Variants in SCN1A observed in about 807,000 individuals in gnomAD.
The protein encoded by SCN1A is sodium voltage-gated channel alpha subunit 1.
A neutral mutation model predicts 193.7 loss-of-function variants in SCN1A; 13 were observed. The ratio of observed to expected loss-of-function variants is 0.07; its 90% CI spans 0.04 to 0.11. The LOEUF is 0.11. Ranked by LOEUF, SCN1A falls within the 10% of genes least tolerant of loss-of-function variation. The pLI is 1.00. For synonymous variants in SCN1A, 781 were observed against 843.6 expected (o/e 0.93, Z 1.29); for missense variants, 1,432 against 2,451.1 (o/e 0.58, Z 8.78).
chr2:166,015,980 T>A (rs1239612622), intron 19 of SCN1A: 2 of 451,242 alleles, frequency 4.4e-6, no homozygotes, highest in South Asian at 4.3e-5. Flanking sequence ...ATCAGCCACA[T>A]GTACTGAGCA....
At chr2:166,126,025 C>T (rs1691211781) in intron 2 of SCN1A, among the ~76,000 whole-genome samples, 1 of 152,182 alleles carries the variant, frequency 6.6e-6, no homozygotes, top group Admixed American at 6.5e-5. Context: ...GGAGGAAAAA[C>T]AGCCACACAA....
chr2:166,007,270 C>T (rs1459362407), intron 23 of SCN1A: 1 of 151,034 alleles, frequency 6.6e-6, no homozygotes, highest in Non-Finnish European at 1.5e-5. Flanking sequence ...CGCTCCACCC[C>T]ATCCAAGTTG....
At chr2:166,050,637 A>ATATATATATATATATATATATATG (rs1553548987) in intron 9 of SCN1A, among the ~76,000 whole-genome samples, 23 of 77,156 alleles carry the variant, frequency 3.0e-4, no homozygotes, top group African/African-American at 1.3e-3. Flanking sequence ...ATATATATAT[A>ATATATATATATATATATATATATG]TGTGTGTATA....
At chr2:166,067,275 A>G (rs1180218750) in intron 4 of SCN1A, among the ~76,000 whole-genome samples, 1 of 152,104 alleles carries the variant, frequency 6.6e-6, no homozygotes. Flanking sequence ...CAAGATGGTG[A>G]TGTTGATAAA....
intron 18 of SCN1A, among the ~76,000 whole-genome samples, chr2:166,036,903 A>G (rs1696458205): frequency 6.6e-6 from 1 of 152,214 alleles, no homozygotes; most frequent in South Asian, 2.1e-4. Flanking sequence ...AATGCATTCT[A>G]TAATTTTTCA....
At position 166,037,801 on chromosome 2, in the gene SCN1A, A is replaced by G. The variant is rs1389457388; in HGVS notation, c.2921T>C (p.Met974Thr). The G allele has an allele frequency of 1.9e-6, 3 of 1,614,194 alleles. No homozygotes were observed. Among genetic ancestry groups the G allele is most frequent in the South Asian group, 2.2e-5 (2 of 91,082 alleles). The change falls in exon 18 of 29, where the codon ATG (methionine) becomes ACG (threonine). Residue 974 changes from methionine to threonine, a missense_variant. Physicochemically the swap from Met to Thr is moderately conservative, Grantham distance 81. Around this residue, in one of 18 missense-constraint regions of SCN1A, gnomAD observed 93 missense variants for 260.4 expected, o/e 0.36. Coordinates refer to ENST00000674923, the MANE Select transcript of SCN1A (RefSeq NM_001165963.4). ...CACTAGGTTTCCAATCACCATGACC[A>G]TCATGAAGACAGTAAGGCACATGGC... Reference protein sequence around the residue: ...GQAMCLTVFMMVMVIGNLVVL... With the variant: ...GQAMCLTVFMTVMVIGNLVVL...
chr2:165,991,032 C>G lies in SCN1A; in HGVS notation c.*213G>C, dbSNP rs1473142639. 1 of 556,232 alleles carries G rather than the reference C, an allele frequency of 1.8e-6. No homozygotes were observed. Among genetic ancestry groups the G allele is most frequent in the Admixed American group, 3.3e-5 (1 of 30,310 alleles). The allele number at this position is 556,232 out of a possible 1,614,324, so 34.5% of individuals were successfully genotyped here. ...CAGCAGTGTCAGCTGGTAGTGAGAA[C>G]AGTAACCTCCTGTCAAGGTCATCTC... On this transcript the variant is annotated 3_prime_UTR_variant, in exon 29 of 29. Transcript: ENST00000674923.
At chr2:166,109,448 A>C (rs1475513923) in intron 2 of SCN1A, 3 of 152,330 alleles carry the variant, frequency 2.0e-5, no homozygotes, top group Non-Finnish European at 4.4e-5. Context: ...GTATATACAT[A>C]CATACCTTGA....
intron 19 of SCN1A, among the ~76,000 whole-genome samples, chr2:166,019,746 G>T (rs530207672): frequency 1.3e-5 from 2 of 152,212 alleles, no homozygotes; most frequent in South Asian, 4.1e-4. Flanking sequence ...CTTAGTGTAT[G>T]TATGGTGAAT....
intron 2 of SCN1A, among the ~76,000 whole-genome samples, chr2:166,107,242 T>A (rs1355930476): frequency 1.3e-5 from 2 of 152,200 alleles, no homozygotes; most frequent in East Asian, 3.9e-4. Context: ...GACTGACTTC[T>A]ACCTCCCAGT....
In SCN1A at chr2:166,069,921, T is replaced by C. The variant is rs77973682; in HGVS notation, c.264+3437A>G. On this transcript the variant is annotated intron_variant, in intron 4 of 28. Coordinates refer to ENST00000674923, the MANE Select transcript of SCN1A (RefSeq NM_001165963.4). ...GACCATTTAGCTGTGTCAAGAGTAC[T>C]GTGTATGTGTACCGCATTGTTTTAA... 7.4e-3 allele frequency among the ~76,000 whole-genome samples: 1,133 copies of C among 152,324 alleles called. 20 individuals are homozygous for C. Among genetic ancestry groups the C allele is most frequent in the African/African-American group, 0.026 (1,087 of 41,576 alleles).
At position 166,026,962 on chromosome 2, in the gene SCN1A, A is replaced by C. The variant is rs996499773; in HGVS notation, c.3429+9086T>G. Reference sequence around the variant, plus strand: ...CCTCCCGGAATATTTCTTAAAATCTATTTTAATGTTTATTAAACCATGAAT... The same window carrying C: ...CCTCCCGGAATATTTCTTAAAATCTCTTTTAATGTTTATTAAACCATGAAT... On this transcript the variant is annotated intron_variant, in intron 19 of 28. Transcript: ENST00000674923. Among the ~76,000 whole-genome samples, 2 of 152,238 alleles carry C rather than the reference A, an allele frequency of 1.3e-5. 1 individual carries two copies. Among genetic ancestry groups the C allele is most frequent in the South Asian group, 4.1e-4 (2 of 4,820 alleles).
upstream of SCN1A, among the ~76,000 whole-genome samples, chr2:166,132,459 A>G (rs375253602): frequency 6.6e-6 from 1 of 151,948 alleles, no homozygotes; most frequent in African/African-American, 2.4e-5. Flanking sequence ...ATTCACCAAC[A>G]CTGTGCCACT....
chr2:166,098,842 T>C (rs1238551035), intron 2 of SCN1A, among the ~76,000 whole-genome samples: 1 of 152,030 alleles, frequency 6.6e-6, no homozygotes, highest in Non-Finnish European at 1.5e-5. Context: ...TATGAAACAC[T>C]GATGAAAGAA....
At chr2:166,027,189 C>A (rs1195124201) in intron 19 of SCN1A, 2 of 152,138 alleles carry the variant, frequency 1.3e-5, no homozygotes, top group Non-Finnish European at 2.9e-5. Flanking sequence ...GCCTTGTACA[C>A]CAGGGCATTC....
rs1355869713 is a variant in SCN1A, at chr2:165,989,357, T to C, written c.*1888A>G. ...GATGTAATTGACTATATAAGTTGAC[T>C]ACTCTGTTTTTGTGGAAAAAAAAAT... is the stretch of plus-strand genomic sequence containing the variant. On this transcript the variant is annotated 3_prime_UTR_variant, in exon 29 of 29. Transcript: ENST00000674923. 2 of 152,460 alleles carry C rather than the reference T, an allele frequency of 1.3e-5. No homozygotes were observed. The highest frequency in any genetic ancestry group is 2.9e-5 in the Non-Finnish European group (2 of 67,996). The allele number at this position is 152,460 out of a possible 1,614,324, so 9.4% of individuals were successfully genotyped here.
At chr2:166,049,256 G>T (rs1302280440) in intron 9 of SCN1A, among the ~76,000 whole-genome samples, 1 of 151,750 alleles carries the variant, frequency 6.6e-6, no homozygotes, top group Non-Finnish European at 1.5e-5. Flanking sequence ...ATAATGACAG[G>T]TACTAACATA....
intron 4 of SCN1A, among the ~76,000 whole-genome samples, chr2:166,069,090 T>G (rs112645473): frequency 1.3e-3 from 192 of 152,242 alleles, no homozygotes; most frequent in African/African-American, 4.3e-3. Context: ...GAAAAAAAGG[T>G]GTGTTCACAA....
intron 3 of SCN1A, chr2:166,075,369 A>T (rs1056742496): frequency 7.9e-5 from 12 of 152,086 alleles, no homozygotes; most frequent in African/African-American, 2.7e-4. Flanking sequence ...ATATGCTAGA[A>T]CATGAGTGTA....
Sources: gnomAD v4.1 joint callset for allele counts (sites outside exome capture counted in the v4.1 genomes callset) on GRCh38, gnomAD v4.1.1 for gene constraint, gnomAD v4.1.1 regional missense constraint, MANE v1.5 for transcripts, NCBI Gene and HGNC (gene_info 2026-07-23, HGNC 2026-07-21) for gene names.